ASAP2: variants seen among roughly 807,000 people sequenced by gnomAD.
The protein encoded by ASAP2 is arf-GAP with SH3 domain, ANK repeat and PH domain-containing protein 2.
A neutral mutation model predicts 131.4 loss-of-function variants in ASAP2; 45 were observed. The observed-to-expected ratio is 0.34, with a 90% CI of 0.27 to 0.44. The LOEUF (loss-of-function observed/expected upper bound fraction) is 0.44. ASAP2 is among the 20% of genes least tolerant of loss of function. ASAP2 has a pLI of 1.00. For missense variants in ASAP2, 1,011 were observed against 1,297.0 expected (o/e 0.78, Z 3.39); for synonymous variants, 510 against 503.0 (o/e 1.01, Z -0.19).
intron 2 of ASAP2, 31 bp downstream of exon 2, chr2:9,279,420 G>A (rs1182766356): frequency 1.2e-6 from 2 of 1,602,864 alleles, no homozygotes; most frequent in Non-Finnish European, 1.7e-6. Context: ...AGAGGTTTCT[G>A]TGTGGAAAAT....
chr2:9,231,680 T>G (rs1463141133), intron 1 of ASAP2, among the ~76,000 whole-genome samples: 2 of 152,178 alleles, frequency 1.3e-5, no homozygotes, highest in Non-Finnish European at 2.9e-5. Flanking sequence ...TGCCTGGCCC[T>G]TGGGTGTCCC....
intron 20 of ASAP2, among the ~76,000 whole-genome samples, chr2:9,383,830 G>A (rs1345342829): frequency 6.6e-6 from 1 of 151,800 alleles, no homozygotes; most frequent in African/African-American, 2.4e-5. Flanking sequence ...ATACTGTGCA[G>A]CCATAAAAAA....
rs115746996 is a variant in ASAP2, at chr2:9,358,352, C to T, written c.1328-404C>T. On this transcript the variant is annotated intron_variant, in intron 14 of 27. Transcript: ENST00000281419. ...TAGATGCATATGTTTTAAGCCTATT[C>T]CCCTTTTACAAGTAGACTTTGGCTG... Among the ~76,000 whole-genome samples, 1,271 of 152,324 alleles carry T rather than the reference C, an allele frequency of 8.3e-3. 9 individuals are homozygous for T. The highest frequency in any genetic ancestry group is 0.013 in the Non-Finnish European group (867 of 68,018).
rs552716000 is a variant in ASAP2 at position 9,374,151 on chromosome 2, G to A, written c.1557-604G>A. ...CTTCTGTAGGCTCTTTGGATGGGGCGGAGTCTGAGCATGTTGCCACATAAA... is the reference window on the plus strand; with the variant it reads ...CTTCTGTAGGCTCTTTGGATGGGGCAGAGTCTGAGCATGTTGCCACATAAA... On this transcript the variant is annotated intron_variant, in intron 16 of 27. Coordinates refer to ENST00000281419, the MANE Select transcript of ASAP2 (RefSeq NM_003887.3). Among the ~76,000 whole-genome samples the A allele has an allele frequency of 3.3e-5, 5 of 152,328 alleles. No homozygotes were observed. In the South Asian group the frequency reaches 6.2e-4, roughly 19 times the overall value.
At chr2:9,325,660 C>T (rs1344008545) in intron 6 of ASAP2, among the ~76,000 whole-genome samples, 1 of 152,184 alleles carries the variant, frequency 6.6e-6, no homozygotes, top group African/African-American at 2.4e-5. Context: ...GTGGTATGCA[C>T]CTTGCACTGG....
intron 1 of ASAP2, among the ~76,000 whole-genome samples, chr2:9,258,533 C>T (rs541951507): frequency 1.3e-5 from 2 of 152,264 alleles, no homozygotes; most frequent in Admixed American, 6.5e-5. Flanking sequence ...AGGCCCCAAT[C>T]CGAGTAGGTG....
At chr2:9,219,810 C>T (rs1161834632) in intron 1 of ASAP2, among the ~76,000 whole-genome samples, 3 of 152,054 alleles carry the variant, frequency 2.0e-5, no homozygotes, top group African/African-American at 7.2e-5. Context: ...TATTTAATTC[C>T]AGATCATTTT....
intron 24 of ASAP2, among the ~76,000 whole-genome samples, chr2:9,397,704 G>C (rs1676251528): frequency 7.6e-6 from 1 of 130,902 alleles, no homozygotes; most frequent in Non-Finnish European, 1.6e-5. Flanking sequence ...ATTTGTAATT[G>C]GTTGGGAAAA....
chr2:9,385,483 T>C lies in ASAP2; in HGVS notation c.2130+125T>C, dbSNP rs552554345. The C allele has an allele frequency of 1.9e-5, 14 of 740,480 alleles. No individual in the cohort carries two copies. The African/African-American group carries it at 2.5e-4, about 13-fold the overall frequency. 45.9% of individuals were successfully genotyped at this position (740,480 alleles called of 1,614,324 possible). On this transcript the variant is annotated intron_variant, in intron 21 of 27. Coordinates refer to ENST00000281419, the MANE Select transcript of ASAP2 (RefSeq NM_003887.3). ...ATGAAAATGTAGCTTACTTTATGCT[T>C]TCATTGATCTCAGTAGGCTCTTGGT...
intron 12 of ASAP2, among the ~76,000 whole-genome samples, chr2:9,352,114 G>A (rs1027066426): frequency 6.6e-6 from 1 of 152,094 alleles, no homozygotes; most frequent in Non-Finnish European, 1.5e-5. Context: ...TGTAGTCCCA[G>A]CTACTCGGGA....
chr2:9,366,857 G>A (rs796676578), intron 15 of ASAP2, among the ~76,000 whole-genome samples: 1 of 151,994 alleles, frequency 6.6e-6, no homozygotes, highest in Non-Finnish European at 1.5e-5. Flanking sequence ...TCCTCCACTA[G>A]CCCACTAGCC....
At chr2:9,397,750 A>ATATAT (rs1343127000) in intron 24 of ASAP2, among the ~76,000 whole-genome samples, 8 of 44,812 alleles carry the variant, frequency 1.8e-4, no homozygotes, top group African/African-American at 8.5e-4. Context: ...ATATATATAT[A>ATATAT]TTTTTTTTTT....
chr2:9,388,666 T>C, intron 22 of ASAP2, 120 bp downstream of exon 22: 1 of 1,393,302 alleles, frequency 7.2e-7, no homozygotes, highest in Non-Finnish European at 9.5e-7. Context: ...TTGTAGTTAT[T>C]TTCTGTTTGC....
intron 1 of ASAP2, among the ~76,000 whole-genome samples, chr2:9,261,753 G>A (rs1324954021): frequency 6.6e-6 from 1 of 152,212 alleles, no homozygotes; most frequent in Non-Finnish European, 1.5e-5. Flanking sequence ...GCAGGGGAGA[G>A]GCCCCGCTGG....
chr2:9,356,318 G>A lies in ASAP2; in HGVS notation c.1300G>A (p.Asp434Asn), dbSNP rs1392150796. 6 of 1,606,694 alleles carry A rather than the reference G, an allele frequency of 3.7e-6. No individual in the cohort carries two copies. The East Asian group carries it at 8.9e-5, about 24-fold the overall frequency. ...ISEVQRMTGN[D>N]VCCDCGAPDP... ...AGAAGTGCAGAGGATGACGGGCAAT[G>A]ACGTCTGCTGTGACTGTGGGGCGCC... Residue 434 changes from aspartate to asparagine, a missense_variant, in exon 14 of 28, where the codon GAC becomes AAC. Physicochemically the swap from Asp to Asn is conservative, Grantham distance 23. Around this residue, in one of 2 missense-constraint regions of ASAP2, gnomAD observed 359 missense variants for 598.1 expected, o/e 0.60. Coordinates refer to ENST00000281419, the MANE Select transcript of ASAP2 (RefSeq NM_003887.3).
intron 2 of ASAP2, among the ~76,000 whole-genome samples, chr2:9,291,929 AAGAG>A (rs1459325504): frequency 6.6e-6 from 1 of 152,056 alleles, no homozygotes; most frequent in Non-Finnish European, 1.5e-5. Context: ...TATCTAGGCT[AAGAG>A]CTGAAGATAG....
chr2:9,396,662 C>T (rs950859148), intron 24 of ASAP2, among the ~76,000 whole-genome samples: 4 of 152,156 alleles, frequency 2.6e-5, no homozygotes, highest in African/African-American at 9.7e-5. Flanking sequence ...AACCAGAAGA[C>T]TCCCAAAACT....
intron 21 of ASAP2, among the ~76,000 whole-genome samples, 157 bp from the exon 22 acceptor site, chr2:9,388,137 C>CA (rs1324350866): frequency 4.6e-5 from 7 of 152,168 alleles, no homozygotes; most frequent in African/African-American, 1.7e-4. Context: ...TTGCAGCTCT[C>CA]ACGCAACTTG....
intron 16 of ASAP2, among the ~76,000 whole-genome samples, chr2:9,370,765 C>G (rs944777593): frequency 1.3e-5 from 2 of 152,090 alleles, no homozygotes; most frequent in Non-Finnish European, 2.9e-5. Flanking sequence ...TTCCATACAC[C>G]CTGAAAATGA....
Sources: allele counts gnomAD v4.1 joint callset (sites outside exome capture counted in the v4.1 genomes callset), GRCh38; gene constraint gnomAD v4.1.1; regional missense constraint gnomAD v4.1.1; transcripts MANE v1.5; gene names NCBI Gene and HGNC (gene_info 2026-07-23, HGNC 2026-07-21).